Variants in PRKCA observed in about 807,000 individuals in gnomAD.
The protein encoded by PRKCA is protein kinase C alpha.
A neutral mutation model predicts 87.0 loss-of-function variants in PRKCA; 27 were observed. The ratio of observed to expected loss-of-function variants is 0.31; its 90% confidence interval spans 0.23 to 0.43. The LOEUF is 0.43. Among genes scored for constraint, PRKCA ranks in the 20% least tolerant of loss-of-function variants. The pLI is 1.00. For missense variants in PRKCA, 518 were observed against 852.3 expected (o/e 0.61, Z 4.88); for synonymous variants, 329 against 311.1 (o/e 1.06, Z -0.61).
intron 14 of PRKCA, among the ~76,000 whole-genome samples, chr17:66,785,853 G>C (rs1237699658): frequency 2.0e-5 from 3 of 152,196 alleles, no homozygotes; most frequent in African/African-American, 7.2e-5. Context: ...TTTTGAGACG[G>C]AGTCTCGCTC....
chr17:66,357,439 C>T (rs1260471103), intron 2 of PRKCA, among the ~76,000 whole-genome samples: 1 of 152,116 alleles, frequency 6.6e-6, no homozygotes, highest in Non-Finnish European at 1.5e-5. Flanking sequence ...GCAAATAAAT[C>T]CCAATGTATT....
intron 3 of PRKCA, chr17:66,554,623 G>A: frequency 1.3e-6 from 1 of 788,044 alleles, no homozygotes; most frequent in African/African-American, 1.9e-5. Context: ...TTTTTTTGGT[G>A]GGGGGCACTA....
intron 2 of PRKCA, among the ~76,000 whole-genome samples, chr17:66,389,444 C>A (rs1910243620): frequency 6.6e-6 from 1 of 152,128 alleles, no homozygotes. Context: ...GCCTCAGTAG[C>A]CTCCCCTGCA....
chr17:66,502,315 G>A (rs1026674349), intron 3 of PRKCA, among the ~76,000 whole-genome samples: 3 of 149,352 alleles, frequency 2.0e-5, no homozygotes, highest in Admixed American at 2.0e-4. Flanking sequence ...GCTCACTGCA[G>A]CCTCCACCTC....
At chr17:66,494,735 C>G (rs577139960) in intron 2 of PRKCA, among the ~76,000 whole-genome samples, 1 of 152,188 alleles carries the variant, frequency 6.6e-6, no homozygotes, top group Middle Eastern at 3.4e-3. Flanking sequence ...CTTTTTGGAG[C>G]TAGACTTCAA....
chr17:66,767,870 A>G (rs1341763850), intron 13 of PRKCA, among the ~76,000 whole-genome samples: 3 of 152,156 alleles, frequency 2.0e-5, no homozygotes, highest in Non-Finnish European at 1.5e-5. Context: ...GGGGAATACT[A>G]TCTGATGCTG....
chr17:66,616,748 G>A (rs1255909958), intron 3 of PRKCA, among the ~76,000 whole-genome samples: 1 of 152,200 alleles, frequency 6.6e-6, no homozygotes, highest in Non-Finnish European at 1.5e-5. Flanking sequence ...TGTGTTAAGT[G>A]CCATAAGCCT....
chr17:66,441,694 T>C (rs1241888548), intron 2 of PRKCA, among the ~76,000 whole-genome samples: 2 of 152,204 alleles, frequency 1.3e-5, no homozygotes, highest in African/African-American at 4.8e-5. Flanking sequence ...TGTGCGGTTT[T>C]TTCAACCTGT....
intron 3 of PRKCA, among the ~76,000 whole-genome samples, chr17:66,530,254 G>C (rs938323975): frequency 1.3e-5 from 2 of 152,120 alleles, no homozygotes; most frequent in Admixed American, 1.3e-4. Context: ...ACGGAAGGAG[G>C]AATAAACACA....
intron 5 of PRKCA, among the ~76,000 whole-genome samples, chr17:66,664,247 C>T (rs1397856190): frequency 6.6e-6 from 1 of 152,156 alleles, no homozygotes; most frequent in East Asian, 1.9e-4. Flanking sequence ...GCAGTTTCTT[C>T]TGAGTGAATA....
chr17:66,588,635 C>CTTTTTTTTTTGTTTTTT (rs1969692818), intron 3 of PRKCA, among the ~76,000 whole-genome samples: 1 of 39,110 alleles, frequency 2.6e-5, no homozygotes, highest in African/African-American at 1.2e-4. Flanking sequence ...TTTTGCTTTG[C>CTTTTTTTTTTGTTTTTT]TTTTTTTTTT....
chr17:66,577,177 G>A (rs1567909361), intron 3 of PRKCA, among the ~76,000 whole-genome samples: 2 of 152,016 alleles, frequency 1.3e-5, no homozygotes, highest in Non-Finnish European at 2.9e-5. Flanking sequence ...GCCCTGTGAT[G>A]CACTTTTAAT....
At chr17:66,308,043 G>A (rs892877178) in intron 2 of PRKCA, among the ~76,000 whole-genome samples, 2 of 152,132 alleles carry the variant, frequency 1.3e-5, no homozygotes, top group Admixed American at 6.5e-5. Context: ...CTTAGTGGCT[G>A]CATGTGTGGA....
intron 2 of PRKCA, among the ~76,000 whole-genome samples, chr17:66,408,574 A>G (rs74777219): frequency 8.5e-4 from 129 of 152,298 alleles, no homozygotes; most frequent in African/African-American, 3.0e-3. Flanking sequence ...CTGTTACCTT[A>G]TGCGTTGTTT....
intron 3 of PRKCA, among the ~76,000 whole-genome samples, chr17:66,502,014 T>G (rs903317887): frequency 6.6e-6 from 1 of 152,196 alleles, no homozygotes; most frequent in Non-Finnish European, 1.5e-5. Context: ...GACTTCTTCC[T>G]CTCACTTCTT....
chr17:66,385,305 G>A (rs1027853339), intron 2 of PRKCA, among the ~76,000 whole-genome samples: 1 of 152,100 alleles, frequency 6.6e-6, no homozygotes, highest in Non-Finnish European at 1.5e-5. Context: ...TGATGGTTTT[G>A]TATGTGCTAT....
intron 14 of PRKCA, chr17:66,777,901 C>T: frequency 1.0e-6 from 1 of 985,400 alleles, no homozygotes. Flanking sequence ...CTTCTCCCCT[C>T]TCCAAGCCTT....
rs56912157 is a variant in PRKCA at position 66,566,480 on chromosome 17, G to GTTTTTTT, written c.288+70213_288+70219dup. Among the ~76,000 whole-genome samples the GTTTTTTT allele has an allele frequency of 8.4e-4, 81 of 97,004 alleles. 1 individual carries two copies. The highest frequency in any genetic ancestry group is 1.1e-3 in the Non-Finnish European group (52 of 48,794). The allele number at this position is 97,004 out of a possible 152,430, so 63.6% of individuals were successfully genotyped here. A position where few individuals can be genotyped will look rare whatever the true frequency, so the allele number is the denominator to read the frequency against. On this transcript the variant is annotated intron_variant, in intron 3 of 16. Coordinates refer to ENST00000413366, the MANE Select transcript of PRKCA (RefSeq NM_002737.3). ...TGTGAAGAACTGTTGTTGTTTTTTGGTTTTTTTTTTTTTTTTTTTTTTGCA... is the reference window on the plus strand; with the variant it reads ...TGTGAAGAACTGTTGTTGTTTTTTGGTTTTTTTTTTTTTTTTTTTTTTTTTTTTTGCA...
intron 2 of PRKCA, among the ~76,000 whole-genome samples, chr17:66,343,643 G>A (rs957131411): frequency 1.4e-4 from 21 of 152,118 alleles, no homozygotes; most frequent in Non-Finnish European, 7.4e-5. Flanking sequence ...GACGGAGGAG[G>A]TGGGGAGGTG....
Sources: gnomAD v4.1 joint callset for allele counts (sites outside exome capture counted in the v4.1 genomes callset) on GRCh38, gnomAD v4.1.1 for gene constraint, MANE v1.5 for transcripts, NCBI Gene and HGNC (gene_info 2026-07-23, HGNC 2026-07-21) for gene names.